Variants in RBMS3 observed in about 807,000 individuals in gnomAD.
The protein encoded by RBMS3 is RNA-binding motif, single-stranded-interacting protein 3.
A neutral mutation model predicts 66.8 loss-of-function variants in RBMS3; 27 were observed. That is an observed-to-expected ratio of 0.40 (90% CI 0.30 to 0.56). The LOEUF (loss-of-function observed/expected upper bound fraction) is 0.56, where lower values mean the gene tolerates loss of function less well. Ranked by LOEUF, RBMS3 falls within the 20% of genes least tolerant of loss-of-function variation. The probability of loss-of-function intolerance (pLI) is 0.40; values close to 1 mark genes in which losing one functional copy is unlikely to be tolerated. For synonymous variants in RBMS3, 188 were observed against 183.0 expected (o/e 1.03, Z -0.22); for missense variants, 513 against 549.5 (o/e 0.93, Z 0.66).
intron 8 of RBMS3, among the ~76,000 whole-genome samples, chr3:29,889,110 T>G (rs1388091536): frequency 6.6e-6 from 1 of 151,678 alleles, no homozygotes; most frequent in African/African-American, 2.4e-5. Flanking sequence ...CAGAACTTCA[T>G]AATTTGGTTA....
chr3:29,945,235 G>A (rs1436596561), intron 12 of RBMS3, among the ~76,000 whole-genome samples: 1 of 151,662 alleles, frequency 6.6e-6, no homozygotes, highest in Non-Finnish European at 1.5e-5. Flanking sequence ...AGTTGAATCT[G>A]TCAACCTGCT....
intron 1 of RBMS3, among the ~76,000 whole-genome samples, chr3:29,324,894 T>A (rs1241679673): frequency 6.6e-6 from 1 of 152,166 alleles, no homozygotes; most frequent in Non-Finnish European, 1.5e-5. Context: ...TTTTCCCCAC[T>A]GTTATTTTTT....
chr3:29,703,163 G>T (rs2149293130), intron 4 of RBMS3, among the ~76,000 whole-genome samples: 1 of 152,280 alleles, frequency 6.6e-6, no homozygotes, highest in African/African-American at 2.4e-5. Flanking sequence ...AGGCATAATT[G>T]CATTACATTT....
At chr3:29,816,595 A>T (rs1391767543) in intron 6 of RBMS3, among the ~76,000 whole-genome samples, 2 of 152,144 alleles carry the variant, frequency 1.3e-5, no homozygotes, top group African/African-American at 4.8e-5. Context: ...CAAGCCCAGA[A>T]ATCAAAGGTT....
At chr3:29,824,437 A>G (rs1380680501) in intron 6 of RBMS3, among the ~76,000 whole-genome samples, 1 of 152,178 alleles carries the variant, frequency 6.6e-6, no homozygotes, top group Non-Finnish European at 1.5e-5. Context: ...TTGTTATAGC[A>G]GCCAAAATGG....
chr3:29,321,600 C>T (rs761312072), intron 1 of RBMS3, among the ~76,000 whole-genome samples: 1 of 152,100 alleles, frequency 6.6e-6, no homozygotes, highest in African/African-American at 2.4e-5. Flanking sequence ...TCTTGCAATT[C>T]CCTGTGAAAT....
At chr3:29,740,201 A>G (rs562157971) in intron 5 of RBMS3, among the ~76,000 whole-genome samples, 1 of 152,254 alleles carries the variant, frequency 6.6e-6, no homozygotes, top group African/African-American at 2.4e-5. Flanking sequence ...GACAGAGACA[A>G]TAAATGCCCA....
chr3:29,445,425 CTG>C (rs1486979227), intron 2 of RBMS3, among the ~76,000 whole-genome samples: 2 of 148,230 alleles, frequency 1.3e-5, no homozygotes, highest in African/African-American at 5.0e-5. Context: ...AAAAAAAAAA[CTG>C]TTTATTTTTG....
rs2049341743 is a variant in RBMS3, at chr3:29,633,003, G to A, written c.399+45798G>A. 2.0e-5 allele frequency among the ~76,000 whole-genome samples: 3 copies of A among 151,878 alleles called. No homozygotes were observed. The South Asian group carries it at 6.2e-4, about 31-fold the overall frequency. ...AAGATCTCTAAGCAAATATTGTACT[G>A]TACTTGTATACATTACACTTGAGAA... On this transcript the variant is annotated intron_variant, in intron 4 of 14. Transcript: ENST00000383767.
intron 6 of RBMS3, among the ~76,000 whole-genome samples, chr3:29,834,459 G>A (rs1177594882): frequency 1.3e-5 from 2 of 151,892 alleles, no homozygotes; most frequent in Non-Finnish European, 2.9e-5. Flanking sequence ...AATGGGGTGG[G>A]CAGCAGTGTA....
At chr3:29,537,345 G>A (rs1427930753) in intron 3 of RBMS3, among the ~76,000 whole-genome samples, 1 of 152,120 alleles carries the variant, frequency 6.6e-6, no homozygotes, top group Non-Finnish European at 1.5e-5. Flanking sequence ...TATTTTAATG[G>A]AAGAACATTT....
At chr3:29,770,744 C>G (rs2056164365) in intron 6 of RBMS3, among the ~76,000 whole-genome samples, 1 of 151,956 alleles carries the variant, frequency 6.6e-6, no homozygotes, top group South Asian at 2.1e-4. Context: ...AGTAGCTAAA[C>G]CATTTAGTGT....
At chr3:29,491,617 G>A (rs1006235962) in intron 3 of RBMS3, among the ~76,000 whole-genome samples, 1 of 152,140 alleles carries the variant, frequency 6.6e-6, no homozygotes, top group Non-Finnish European at 1.5e-5. Flanking sequence ...AGGTAAAAAA[G>A]GAAGGAAGAG....
At chr3:29,394,334 C>T (rs546853993) in intron 1 of RBMS3, among the ~76,000 whole-genome samples, 6 of 152,278 alleles carry the variant, frequency 3.9e-5, no homozygotes, top group Admixed American at 1.3e-4. Flanking sequence ...CCCTGAAAAT[C>T]GCTGTTATCC....
intron 1 of RBMS3, among the ~76,000 whole-genome samples, chr3:29,309,611 G>T (rs77384096): frequency 1.0e-3 from 155 of 151,474 alleles, no homozygotes; most frequent in African/African-American, 2.9e-3. Context: ...TGCAGTGGTG[G>T]GGGGGGCGGT....
chr3:29,506,000 A>G (rs1264979632), intron 3 of RBMS3, among the ~76,000 whole-genome samples: 1 of 151,926 alleles, frequency 6.6e-6, no homozygotes, highest in Non-Finnish European at 1.5e-5. Flanking sequence ...TACATTATAG[A>G]TAAAATCATG....
At chr3:29,742,781 T>C (rs984050841) in intron 5 of RBMS3, among the ~76,000 whole-genome samples, 1 of 152,242 alleles carries the variant, frequency 6.6e-6, no homozygotes, top group Non-Finnish European at 1.5e-5. Context: ...GTGGATTTCA[T>C]AATTACCGTT....
intron 4 of RBMS3, among the ~76,000 whole-genome samples, chr3:29,703,121 A>G (rs1218982529): frequency 6.6e-6 from 1 of 152,236 alleles, no homozygotes; most frequent in Non-Finnish European, 1.5e-5. Flanking sequence ...TATTACAATA[A>G]TTCTCACTTA....
intron 3 of RBMS3, among the ~76,000 whole-genome samples, chr3:29,492,845 C>A (rs542655381): frequency 5.3e-5 from 8 of 152,254 alleles, no homozygotes; most frequent in Admixed American, 3.3e-4. Flanking sequence ...AGTTTATAAC[C>A]CCTGAAGTAG....
Sources: allele counts gnomAD v4.1 joint callset (sites outside exome capture counted in the v4.1 genomes callset), GRCh38; gene constraint gnomAD v4.1.1; transcripts MANE v1.5; gene names NCBI Gene and HGNC (gene_info 2026-07-23, HGNC 2026-07-21).